Variants in TRRAP observed in about 807,000 individuals in gnomAD.
TRRAP encodes transformation/transcription domain associated protein.
A neutral mutation model predicts 438.8 loss-of-function variants in TRRAP; 41 were observed. The observed-to-expected ratio is 0.09, with a 90% confidence interval of 0.07 to 0.12. TRRAP has a LOEUF of 0.12. Ranked by LOEUF, TRRAP falls within the 10% of genes least tolerant of loss-of-function variation. The pLI is 1.00. For synonymous variants in TRRAP, 1,994 were observed against 1,962.9 expected (o/e 1.02, Z -0.42); for missense variants, 3,122 against 5,055.1 (o/e 0.62, Z 11.60).
Position 98,976,899 on chromosome 7 carries a change from T to C in TRRAP, c.8248-40T>C. The C allele has an allele frequency of 6.2e-7, 1 of 1,609,322 alleles. No individual in the cohort carries two copies. Among genetic ancestry groups the C allele is most frequent in the South Asian group, 1.1e-5 (1 of 90,956 alleles). Reference sequence around the variant, plus strand: ...CTATTTTTAGGGGGGAAAAAAAGTCTCTGTCTCAAGCACTCAGGAACCTTA... The same window carrying C: ...CTATTTTTAGGGGGGAAAAAAAGTCCCTGTCTCAAGCACTCAGGAACCTTA... On this transcript the variant is annotated intron_variant, in intron 55 of 72. Coordinates refer to ENST00000456197, the MANE Select transcript of TRRAP (RefSeq NM_001375524.1). This position sits in a 1 kb window ranked among gnomAD's most constrained non-coding sequence, Gnocchi z 4.6.
intron 58 of TRRAP, among the ~76,000 whole-genome samples, chr7:98,981,029 G>T (rs971380521): frequency 6.6e-6 from 1 of 152,158 alleles, no homozygotes; most frequent in Non-Finnish European, 1.5e-5. Context: ...TAGCTTGAAC[G>T]ACAGAGGGGG....
At chr7:98,969,141 A>AT (rs1390823209) in intron 51 of TRRAP, among the ~76,000 whole-genome samples, 1 of 152,182 alleles carries the variant, frequency 6.6e-6, no homozygotes, top group African/African-American at 2.4e-5. Context: ...CCTCCTACTG[A>AT]TAAGTTTTCT....
intron 3 of TRRAP, among the ~76,000 whole-genome samples, chr7:98,885,034 A>G (rs1317278900): frequency 6.6e-6 from 1 of 152,164 alleles, no homozygotes; most frequent in East Asian, 1.9e-4. Flanking sequence ...TGAGGGAGGC[A>G]TGTCTCACAT....
At position 98,944,110 on chromosome 7, in the gene TRRAP, G is replaced by C. The variant is rs192068334; in HGVS notation, c.4473+1093G>C. The stretch of plus-strand genomic sequence containing the variant: ...TGTGGAAGAGAATCAGGAACTCTTC[G>C]TGGAGGAGAGCAGAGTATATTAATG... On this transcript the variant is annotated intron_variant, in intron 31 of 72. Transcript: ENST00000456197. 6.6e-5 allele frequency among the ~76,000 whole-genome samples: 10 copies of C among 152,328 alleles called. No homozygotes were observed. The South Asian group carries it at 1.2e-3, about 19-fold the overall frequency.
rs565652818 is a variant in TRRAP at position 98,978,620 on chromosome 7, G to A, written c.8499-149G>A. 3.4e-6 allele frequency: 4 copies of A among 1,177,708 alleles called. No homozygotes were observed. The African/African-American group carries it at 4.5e-5, about 13-fold the overall frequency. 73.0% of individuals were successfully genotyped at this position (1,177,708 alleles called of 1,614,324 possible). On this transcript the variant is annotated intron_variant, in intron 57 of 72. Coordinates refer to ENST00000456197, the MANE Select transcript of TRRAP (RefSeq NM_001375524.1). ...GGCAGGGGGCTCTCCCCACAATGGA[G>A]CACACCTCCATGTCCCACAGAAGTC...
chr7:98,896,432 G>C (rs1231542244), intron 7 of TRRAP, among the ~76,000 whole-genome samples: 1 of 151,926 alleles, frequency 6.6e-6, no homozygotes, highest in Non-Finnish European at 1.5e-5. Flanking sequence ...GGGTGCGGGG[G>C]TACGGGGTCT....
intron 56 of TRRAP, among the ~76,000 whole-genome samples, chr7:98,977,456 G>GC (rs1395780535): frequency 3.3e-5 from 5 of 152,144 alleles, no homozygotes; most frequent in Non-Finnish European, 7.4e-5. Context: ...ACTGCGCCTG[G>GC]CCCATAGTTC....
At chr7:98,999,815 C>T (rs1307626827) in intron 67 of TRRAP, 5 of 502,546 alleles carry the variant, frequency 9.9e-6, no homozygotes, top group East Asian at 3.5e-5. Context: ...AAATCCCGAT[C>T]GATGCTGATT....
At chr7:98,934,083 C>A (rs761726573) in intron 27 of TRRAP, among the ~76,000 whole-genome samples, 148 of 152,316 alleles carry the variant, frequency 9.7e-4, no homozygotes, top group Non-Finnish European at 1.7e-3. Flanking sequence ...GAGTATTTGT[C>A]ACTGTAAACA....
rs573231363 is a variant in TRRAP, at chr7:98,924,873, G to A, written c.2824-239G>A. The stretch of plus-strand genomic sequence containing the variant: ...AAAAAACTTAGCTGGGCGTGGTGGC[G>A]GGCACCTGTAGTCCCAGCTACTTGG... On this transcript the variant is annotated intron_variant, in intron 21 of 72. Transcript: ENST00000456197. Among the ~76,000 whole-genome samples the A allele has an allele frequency of 5.5e-3, 774 of 140,790 alleles. 5 individuals carry two copies. Among genetic ancestry groups the A allele is most frequent in the African/African-American group, 0.02 (740 of 37,718 alleles). The allele number at this position is 140,790 out of a possible 152,430, so 92.4% of individuals were successfully genotyped here.
intron 47 of TRRAP, 78 bp downstream of exon 47, chr7:98,962,505 G>T: frequency 6.2e-7 from 1 of 1,604,258 alleles, no homozygotes; most frequent in Non-Finnish European, 8.5e-7. Flanking sequence ...GCTTCCCTTT[G>T]GGAAAGGGCT....
At position 98,945,237 on chromosome 7, in the gene TRRAP, C is replaced by T. The variant is rs139322372; in HGVS notation, c.4474-510C>T. ...TGTTATGTGTATGCACACATACATG[C>T]GTGCACACACACACCCACACAGAGC... On this transcript the variant is annotated intron_variant, in intron 31 of 72. Coordinates refer to ENST00000456197, the MANE Select transcript of TRRAP (RefSeq NM_001375524.1). Among the ~76,000 whole-genome samples the T allele has an allele frequency of 1.1e-3, 166 of 152,308 alleles. 2 individuals are homozygous for T. The highest frequency in any genetic ancestry group is 0.01 in the East Asian group (54 of 5,178).
intron 7 of TRRAP, among the ~76,000 whole-genome samples, chr7:98,896,432 G>A (rs1231542244): frequency 6.6e-6 from 1 of 151,926 alleles, no homozygotes; most frequent in Non-Finnish European, 1.5e-5. Flanking sequence ...GGGTGCGGGG[G>A]TACGGGGTCT....
At chr7:98,896,259 A>G (rs1449542365) in intron 7 of TRRAP, among the ~76,000 whole-genome samples, 1 of 151,476 alleles carries the variant, frequency 6.6e-6, no homozygotes, top group Non-Finnish European at 1.5e-5. Flanking sequence ...CTCATTAAGA[A>G]CTCTTTATAA....
chr7:98,937,701 C>A lies in TRRAP; in HGVS notation c.4285C>A (p.Pro1429Thr). The A allele has an allele frequency of 1.2e-6, 2 of 1,613,930 alleles. No individual in the cohort carries two copies. Among genetic ancestry groups the A allele is most frequent in the Non-Finnish European group, 1.7e-6 (2 of 1,179,944 alleles). Residue 1429 changes from proline to threonine, a missense_variant, in exon 30 of 73, where the codon CCT becomes ACT. Physicochemically the swap from Pro to Thr is conservative, Grantham distance 38 (BLOSUM62 -1). Around this residue, in one of 24 missense-constraint regions of TRRAP, gnomAD observed 108 missense variants for 256.9 expected, o/e 0.42. Transcript: ENST00000456197. ...EVDQIHTHMR[P>T]LLMMLGDYRS... is the part of the protein sequence containing the mutation. ...CGATCAAATCCACACACATATGCGA[C>A]CTTTGCTGATGATGCTGGGAGATTA...
chr7:98,974,964 A>G (rs1562967296), intron 53 of TRRAP, among the ~76,000 whole-genome samples: 1 of 152,128 alleles, frequency 6.6e-6, no homozygotes. Flanking sequence ...TGGGATTCTG[A>G]TCCAAACCCC....
At position 99,005,015 on chromosome 7, in the gene TRRAP, C is replaced by T. The variant is rs1794097162; in HGVS notation, c.10536-116C>T. On this transcript the variant is annotated intron_variant, in intron 68 of 72. Coordinates refer to ENST00000456197, the MANE Select transcript of TRRAP (RefSeq NM_001375524.1). This position sits in a 1 kb window ranked among gnomAD's most constrained non-coding sequence, Gnocchi z 5.1. ...GGGTACAAATAAATTGATAAACGACCGCTGGCCTACACAGTCCGTTTTCCC... is the reference window on the plus strand; with the variant it reads ...GGGTACAAATAAATTGATAAACGACTGCTGGCCTACACAGTCCGTTTTCCC... 6.2e-6 allele frequency: 6 copies of T among 974,164 alleles called. No individual in the cohort carries two copies. Among genetic ancestry groups the T allele is most frequent in the South Asian group, 2.9e-5 (2 of 69,410 alleles). The allele number at this position is 974,164 out of a possible 1,614,324, so 60.3% of individuals were successfully genotyped here. A position where few individuals can be genotyped will look rare whatever the true frequency, so the allele number is the denominator to read the frequency against.
At chr7:98,962,742 T>C (rs553714986) in intron 47 of TRRAP, among the ~76,000 whole-genome samples, 6 of 152,160 alleles carry the variant, frequency 3.9e-5, no homozygotes, top group Non-Finnish European at 8.8e-5. Flanking sequence ...TACATGACAA[T>C]GTGTGGACTC....
chr7:98,990,536 A>G lies in TRRAP; in HGVS notation c.9673A>G (p.Ile3225Val). Residue 3225 changes from isoleucine to valine, a missense_variant, in exon 64 of 73, where the codon ATC becomes GTC. By Grantham distance (29) the Ile-to-Val change is conservative. Coordinates refer to ENST00000456197, the MANE Select transcript of TRRAP (RefSeq NM_001375524.1). ...VDKYCIGVPP[I>V]QWLAWIPQLL... Reference sequence around the variant, plus strand: ...CAAGTACTGCATTGGTGTGCCACCCATCCAGTGGCTGGCCTGGATCCCACA... The same window carrying G: ...CAAGTACTGCATTGGTGTGCCACCCGTCCAGTGGCTGGCCTGGATCCCACA... 2 of 1,614,182 alleles carry G rather than the reference A, an allele frequency of 1.2e-6. No homozygotes were observed. Among genetic ancestry groups the G allele is most frequent in the Non-Finnish European group, 1.7e-6 (2 of 1,180,000 alleles).
Sources: gnomAD v4.1 joint callset for allele counts (sites outside exome capture counted in the v4.1 genomes callset) on GRCh38, gnomAD v4.1.1 for gene constraint, gnomAD v4.1.1 regional missense constraint, Gnocchi (gnomAD v3.1) non-coding constraint, MANE v1.5 for transcripts, NCBI Gene and HGNC (gene_info 2026-07-23, HGNC 2026-07-21) for gene names.